ANKS1B: variants seen among roughly 807,000 people sequenced by gnomAD.
ANKS1B encodes ankyrin repeat and sterile alpha motif domain containing 1B, also known as ankyrin repeat and sterile alpha motif domain-containing protein 1B.
ANKS1B carries 36 observed loss-of-function variants against 148.3 expected under a neutral mutation model. The ratio of observed to expected loss-of-function variants is 0.24; its 90% CI spans 0.19 to 0.32. ANKS1B has a LOEUF of 0.32. ANKS1B is among the 10% of genes least tolerant of loss of function. The pLI, the probability that ANKS1B is intolerant of heterozygous loss-of-function variation, is 1.00. For missense variants in ANKS1B, 1,157 were observed against 1,542.6 expected (o/e 0.75, Z 4.19); for synonymous variants, 542 against 560.8 (o/e 0.97, Z 0.47).
At chr12:99,236,567 C>G (rs912201556) in intron 14 of ANKS1B, among the ~76,000 whole-genome samples, 2 of 152,198 alleles carry the variant, frequency 1.3e-5, no homozygotes, top group Non-Finnish European at 2.9e-5. Context: ...TCACCTCCCA[C>G]TAGGTCCCTC....
intron 12 of ANKS1B, among the ~76,000 whole-genome samples, chr12:99,337,257 T>C (rs2089085628): frequency 6.6e-6 from 1 of 152,000 alleles, no homozygotes; most frequent in African/African-American, 2.4e-5. Flanking sequence ...TTCTTTCTTC[T>C]GCTTGATCAA....
chr12:99,636,316 C>A (rs2098235547), intron 9 of ANKS1B, among the ~76,000 whole-genome samples: 1 of 152,082 alleles, frequency 6.6e-6, no homozygotes, highest in African/African-American at 2.4e-5. Context: ...AGCCTCTGGT[C>A]ACAATATTTT....
intron 14 of ANKS1B, among the ~76,000 whole-genome samples, chr12:99,200,631 CA>C (rs1304560825): frequency 6.6e-6 from 1 of 152,092 alleles, no homozygotes; most frequent in East Asian, 1.9e-4. Context: ...GTGACCTCTT[CA>C]GGGGTGGTTT....
chr12:99,325,683 A>G (rs1441416252), intron 12 of ANKS1B, among the ~76,000 whole-genome samples: 4 of 152,156 alleles, frequency 2.6e-5, no homozygotes, highest in Non-Finnish European at 4.4e-5. Flanking sequence ...GAAATTTTCA[A>G]TAAGTCGGAT....
At chr12:99,883,464 G>GA (rs1157332530) in intron 1 of ANKS1B, among the ~76,000 whole-genome samples, 2 of 151,874 alleles carry the variant, frequency 1.3e-5, no homozygotes, top group African/African-American at 4.8e-5. Context: ...GTAATAATTG[G>GA]AAAAAATCTT....
intron 15 of ANKS1B, chr12:99,104,901 T>G (rs942639984): frequency 4.6e-5 from 7 of 152,250 alleles, no homozygotes; most frequent in Non-Finnish European, 1.0e-4. Context: ...CTCTGCCAGC[T>G]CTATAAAGAC....
chr12:99,327,195 A>G (rs1176035022), intron 12 of ANKS1B, among the ~76,000 whole-genome samples: 1 of 112,798 alleles, frequency 8.9e-6, no homozygotes, highest in Non-Finnish European at 1.7e-5. Context: ...TTATAATTAT[A>G]TAATATATTA....
intron 9 of ANKS1B, among the ~76,000 whole-genome samples, chr12:99,531,502 G>C (rs2096990260): frequency 6.6e-6 from 1 of 152,030 alleles, no homozygotes; most frequent in Non-Finnish European, 1.5e-5. Context: ...TAGGATAATG[G>C]CTTCCAGTTC....
intron 17 of ANKS1B, among the ~76,000 whole-genome samples, chr12:99,019,006 G>A (rs1024441677): frequency 6.6e-6 from 1 of 152,120 alleles, no homozygotes; most frequent in Non-Finnish European, 1.5e-5. Flanking sequence ...ATAAAGTGTT[G>A]ACAAAACTTG....
intron 10 of ANKS1B, among the ~76,000 whole-genome samples, chr12:99,480,402 T>C (rs2152931862): frequency 6.6e-6 from 1 of 152,000 alleles, no homozygotes. Flanking sequence ...TTTTTTTGTT[T>C]TAAAAGTCAA....
chr12:99,532,901 A>T (rs2097016315), intron 9 of ANKS1B, among the ~76,000 whole-genome samples: 1 of 152,132 alleles, frequency 6.6e-6, no homozygotes. Flanking sequence ...TTATACCAGT[A>T]CCATGTTATT....
chr12:98,767,478 A>C (rs2098500493), intron 25 of ANKS1B, among the ~76,000 whole-genome samples: 1 of 152,188 alleles, frequency 6.6e-6, no homozygotes. Context: ...AGACCGTCTC[A>C]GCCTCGCCAT....
intron 17 of ANKS1B, among the ~76,000 whole-genome samples, chr12:98,961,400 A>C (rs1384506009): frequency 6.6e-6 from 1 of 152,170 alleles, no homozygotes; most frequent in Non-Finnish European, 1.5e-5. Context: ...ATATCCTTTA[A>C]ATATGAAGGA....
intron 8 of ANKS1B, among the ~76,000 whole-genome samples, chr12:99,681,040 A>G (rs2098612242): frequency 2.0e-5 from 3 of 152,102 alleles, no homozygotes; most frequent in African/African-American, 7.2e-5. Flanking sequence ...CCCGGCCTCC[A>G]CTTGATGATT....
In ANKS1B at chr12:99,896,609, G is replaced by A. The variant is rs144924659; in HGVS notation, c.135-71220C>T. ...CTCTGGTGCAAATTCCAAAAGAACC[G>A]CCCATGACCAAGACTATTCCTGCTG... is the stretch of plus-strand genomic sequence containing the variant. On this transcript the variant is annotated intron_variant, in intron 1 of 26. Transcript: ENST00000683438. Among the ~76,000 whole-genome samples, 837 of 151,034 alleles carry A rather than the reference G, an allele frequency of 5.5e-3. 51 individuals carry two copies. The highest frequency in any genetic ancestry group is 8.8e-3 in the Non-Finnish European group (593 of 67,442).
chr12:99,705,323 G>C (rs1196068087), intron 8 of ANKS1B, among the ~76,000 whole-genome samples: 5 of 151,992 alleles, frequency 3.3e-5, no homozygotes, highest in African/African-American at 9.7e-5. Flanking sequence ...TGAGAAAACA[G>C]GTATACTGGA....
At chr12:99,635,453 C>A (rs1477946062) in intron 9 of ANKS1B, among the ~76,000 whole-genome samples, 2 of 152,090 alleles carry the variant, frequency 1.3e-5, no homozygotes, top group African/African-American at 4.8e-5. Context: ...TATGCCACAA[C>A]ATAGATGAAT....
At chr12:98,789,115 G>T (rs778825264) in intron 22 of ANKS1B, among the ~76,000 whole-genome samples, 2 of 152,286 alleles carry the variant, frequency 1.3e-5, no homozygotes, top group Non-Finnish European at 2.9e-5. Flanking sequence ...GGCCGAGACG[G>T]GCAGATCACT....
At chr12:98,766,757 T>C (rs1363858858) in intron 25 of ANKS1B, among the ~76,000 whole-genome samples, 4 of 152,174 alleles carry the variant, frequency 2.6e-5, no homozygotes, top group Non-Finnish European at 5.9e-5. Flanking sequence ...TTCAGGGACC[T>C]CAAACTACTC....
Sources: gnomAD v4.1 joint callset for allele counts (sites outside exome capture counted in the v4.1 genomes callset) on GRCh38, gnomAD v4.1.1 for gene constraint, MANE v1.5 for transcripts, NCBI Gene and HGNC (gene_info 2026-07-23, HGNC 2026-07-21) for gene names.